The following PC variants were observed in gnomAD, a reference collection of about 807,000 sequenced individuals.
The protein encoded by PC is pyruvate carboxylase, also known as pyruvate carboxylase, mitochondrial.
In PC, 46 loss-of-function variants were observed where a neutral mutation model predicts 107.8. The ratio of observed to expected loss-of-function variants is 0.43; its 90% CI spans 0.34 to 0.55. The LOEUF is 0.55. Among genes scored for constraint, PC ranks in the 20% least tolerant of loss-of-function variants. The pLI, the probability that PC is intolerant of heterozygous loss-of-function variation, is 0.04. For missense variants in PC, 1,241 were observed against 1,643.1 expected (o/e 0.76, Z 4.23); for synonymous variants, 662 against 684.7 (o/e 0.97, Z 0.52).
chr11:66,866,128 A>G lies in PC; in HGVS notation c.1185+59T>C. 1.3e-6 allele frequency: 2 copies of G among 1,569,074 alleles called. No individual in the cohort carries two copies. The highest frequency in any genetic ancestry group is 2.3e-5 in the East Asian group (1 of 44,388). On this transcript the variant is annotated intron_variant, in intron 11 of 22. Coordinates refer to ENST00000393960, the MANE Select transcript of PC (RefSeq NM_001040716.2). This position sits in a 1 kb window ranked among gnomAD's most constrained non-coding sequence, Gnocchi z 5.4. Reference sequence around the variant, plus strand: ...GCAACTTGGCACTGCAGCCCCAGGCACCAGGCAGAACCTGTGCACAGGTGA... The same window carrying G: ...GCAACTTGGCACTGCAGCCCCAGGCGCCAGGCAGAACCTGTGCACAGGTGA...
chr11:66,874,641 C>G (rs1434290605), intron 3 of PC, among the ~76,000 whole-genome samples: 2 of 151,994 alleles, frequency 1.3e-5, no homozygotes, highest in African/African-American at 4.8e-5. Flanking sequence ...AACAGAAAAC[C>G]CCACTAGGGG....
intron 1 of PC, among the ~76,000 whole-genome samples, chr11:66,956,061 C>T (rs1445249504): frequency 2.6e-5 from 4 of 151,972 alleles, no homozygotes; most frequent in African/African-American, 4.8e-5. Flanking sequence ...GCATGAGCAC[C>T]GCGCCCAGCC....
chr11:66,888,146 T>A (rs1947441503), intron 3 of PC, among the ~76,000 whole-genome samples: 1 of 152,214 alleles, frequency 6.6e-6, no homozygotes, highest in Non-Finnish European at 1.5e-5. Flanking sequence ...AGGTAACAAC[T>A]AGGATTAGGA....
chr11:66,872,373 G>A (rs1288969461), intron 3 of PC, among the ~76,000 whole-genome samples: 1 of 152,086 alleles, frequency 6.6e-6, no homozygotes, highest in African/African-American at 2.4e-5. Flanking sequence ...TATCCTAACT[G>A]TGACTTTATT....
intron 3 of PC, among the ~76,000 whole-genome samples, chr11:66,936,765 TG>T (rs1337368637): frequency 6.6e-6 from 1 of 152,172 alleles, no homozygotes; most frequent in Non-Finnish European, 1.5e-5. Context: ...GTTCCAAACT[TG>T]GTGGAACACA....
At chr11:66,905,509 A>C (rs554455124) in intron 3 of PC, among the ~76,000 whole-genome samples, 1 of 152,352 alleles carries the variant, frequency 6.6e-6, no homozygotes, top group East Asian at 1.9e-4. Flanking sequence ...GACTCTGTAA[A>C]ATAAGAATAA....
intron 3 of PC, among the ~76,000 whole-genome samples, chr11:66,912,662 A>C (rs547759890): frequency 8.5e-5 from 13 of 152,172 alleles, no homozygotes; most frequent in Non-Finnish European, 1.6e-4. Flanking sequence ...ACCTCAACAC[A>C]AAATAGGCAG....
chr11:66,946,092 CAAAAAAAAAAAAA>C (rs757767116), intron 3 of PC, among the ~76,000 whole-genome samples: 8 of 66,076 alleles, frequency 1.2e-4, no homozygotes, highest in African/African-American at 3.7e-4. Context: ...GACTCCGTCT[CAAAAAAAAAAAAA>C]AAAAAAAAAG....
chr11:66,866,079 G>T lies in PC; in HGVS notation c.1185+108C>A. Reference sequence around the variant, plus strand: ...TGTCCACTTCAGAGCCCACATGCGGGTCCTCCCTAACTGCCGGGCTGTGGC... The same window carrying T: ...TGTCCACTTCAGAGCCCACATGCGGTTCCTCCCTAACTGCCGGGCTGTGGC... On this transcript the variant is annotated intron_variant, in intron 11 of 22. Transcript: ENST00000393960. The surrounding 1 kb of genome is among the most constrained non-coding windows in gnomAD (Gnocchi z 5.4). 1.6e-6 allele frequency: 2 copies of T among 1,256,140 alleles called. No individual in the cohort carries two copies. Among genetic ancestry groups the T allele is most frequent in the Non-Finnish European group, 2.2e-6 (2 of 889,136 alleles). 77.8% of individuals were successfully genotyped at this position (1,256,140 alleles called of 1,614,324 possible). A position where few individuals can be genotyped will look rare whatever the true frequency, so the allele number is the denominator to read the frequency against.
intron 3 of PC, among the ~76,000 whole-genome samples, chr11:66,927,390 G>A (rs760860356): frequency 4.7e-5 from 7 of 150,322 alleles, no homozygotes; most frequent in Non-Finnish European, 7.4e-5. Flanking sequence ...CCAGGAATGC[G>A]CTGGATGGCA....
At chr11:66,897,686 G>C (rs1380385712) in intron 3 of PC, among the ~76,000 whole-genome samples, 3 of 152,144 alleles carry the variant, frequency 2.0e-5, no homozygotes, top group Admixed American at 2.0e-4. Context: ...CCCAACCCAG[G>C]ACCAGAGTAA....
intron 3 of PC, among the ~76,000 whole-genome samples, chr11:66,889,964 A>G (rs541070949): frequency 7.2e-5 from 11 of 152,342 alleles, no homozygotes; most frequent in African/African-American, 2.4e-4. Flanking sequence ...TTAATACAGT[A>G]GACCTACTTC....
chr11:66,928,838 A>C (rs935632092), intron 3 of PC, among the ~76,000 whole-genome samples: 3 of 152,086 alleles, frequency 2.0e-5, no homozygotes, highest in African/African-American at 4.8e-5. Context: ...AGCATTACTT[A>C]TTATGGGCAA....
chr11:66,857,431 A>C lies in PC; in HGVS notation c.1369-4048T>G. On this transcript the variant is annotated intron_variant, in intron 12 of 22. Coordinates refer to ENST00000393960, the MANE Select transcript of PC (RefSeq NM_001040716.2). This position sits in a 1 kb window ranked among gnomAD's most constrained non-coding sequence, Gnocchi z 7.1. ...GGGAGGCGGCTGGCGATTCCTGGGG[A>C]CGCCTGGGAAAGGAAGTTCCGGGAC... 3.1e-6 allele frequency: 1 copy of C among 319,320 alleles called. No homozygotes were observed. Among genetic ancestry groups the C allele is most frequent in the Admixed American group, 4.7e-5 (1 of 21,190 alleles). The allele number at this position is 319,320 out of a possible 1,614,324, so 19.8% of individuals were successfully genotyped here.
At chr11:66,873,622 C>A (rs1332103571) in intron 3 of PC, among the ~76,000 whole-genome samples, 2 of 138,486 alleles carry the variant, frequency 1.4e-5, no homozygotes, top group African/African-American at 2.7e-5. Context: ...TGCAAAGAGG[C>A]TTCAGAGGTT....
At chr11:66,898,828 A>G (rs1021227459) in intron 3 of PC, among the ~76,000 whole-genome samples, 1 of 152,050 alleles carries the variant, frequency 6.6e-6, no homozygotes, top group Non-Finnish European at 1.5e-5. Flanking sequence ...GCAACCACTC[A>G]TCTACTCTCA....
intron 3 of PC, among the ~76,000 whole-genome samples, chr11:66,887,247 G>T (rs1268390566): frequency 1.3e-5 from 2 of 152,068 alleles, no homozygotes; most frequent in Non-Finnish European, 2.9e-5. Context: ...AATGGGTGTT[G>T]GTGTCTCATT....
intron 3 of PC, among the ~76,000 whole-genome samples, chr11:66,885,072 T>C (rs1947312674): frequency 6.6e-6 from 1 of 152,188 alleles, no homozygotes; most frequent in Admixed American, 6.5e-5. Context: ...CCAGAGGCCT[T>C]GGGGACTTCG....
chr11:66,934,064 C>T (rs545628632), intron 3 of PC, among the ~76,000 whole-genome samples: 2 of 152,306 alleles, frequency 1.3e-5, no homozygotes, highest in East Asian at 1.9e-4. Flanking sequence ...TCCACGCCAG[C>T]GAGGCTGGGG....
Sources: gnomAD v4.1 joint callset for allele counts (sites outside exome capture counted in the v4.1 genomes callset) on GRCh38, gnomAD v4.1.1 for gene constraint, Gnocchi (gnomAD v3.1) non-coding constraint, MANE v1.5 for transcripts, NCBI Gene and HGNC (gene_info 2026-07-23, HGNC 2026-07-21) for gene names.